Variants in MTA3 observed in about 807,000 individuals in gnomAD.
MTA3 encodes the protein metastasis-associated protein MTA3.
MTA3 carries 34 observed loss-of-function variants against 83.5 expected under a neutral mutation model. That is an observed-to-expected ratio of 0.41 (90% CI 0.31 to 0.54). The LOEUF (loss-of-function observed/expected upper bound fraction) is 0.54, where lower values mean the gene tolerates loss of function less well. Ranked by LOEUF, MTA3 falls within the 20% of genes least tolerant of loss-of-function variation. MTA3 has a pLI of 0.33. For missense variants in MTA3, 761 were observed against 726.4 expected (o/e 1.05, Z -0.55); for synonymous variants, 303 against 252.7 (o/e 1.20, Z -1.89).
At chr2:42,611,510 C>G (rs904487172) in intron 4 of MTA3, among the ~76,000 whole-genome samples, 1 of 152,090 alleles carries the variant, frequency 6.6e-6, no homozygotes, top group African/African-American at 2.4e-5. Context: ...TAGAAAACCT[C>G]ATGTCATTGT....
At chr2:42,613,572 C>A (rs528914945) in intron 4 of MTA3, 3 of 152,076 alleles carry the variant, frequency 2.0e-5, no homozygotes, top group Admixed American at 2.0e-4. Flanking sequence ...TTATCAAAGC[C>A]CCATCGTTCT....
intron 6 of MTA3, among the ~76,000 whole-genome samples, chr2:42,648,261 G>T (rs1175286137): frequency 2.6e-5 from 4 of 152,202 alleles, no homozygotes; most frequent in African/African-American, 9.7e-5. Flanking sequence ...ACTCCCATAT[G>T]TAGCTAGTAC....
intron 2 of MTA3, among the ~76,000 whole-genome samples, chr2:42,538,101 C>T (rs1276023531): frequency 6.6e-6 from 1 of 151,728 alleles, no homozygotes; most frequent in Non-Finnish European, 1.5e-5. Flanking sequence ...GGTATGGTGG[C>T]GGGCACCTGT....
intron 14 of MTA3, among the ~76,000 whole-genome samples, chr2:42,713,772 T>C (rs1391838136): frequency 1.3e-5 from 2 of 152,222 alleles, no homozygotes; most frequent in Non-Finnish European, 2.9e-5. Context: ...CCTTTTTGTG[T>C]CAGCTGCATA....
At chr2:42,568,870 C>T (rs1035645242) in intron 1 of MTA3, 97 bp downstream of exon 1, 6 of 1,156,878 alleles carry the variant, frequency 5.2e-6, no homozygotes, top group Non-Finnish European at 5.4e-6. Context: ...CCAAGGGCGC[C>T]GGGGCTGAGG....
intron 3 of MTA3, among the ~76,000 whole-genome samples, chr2:42,589,819 A>G (rs1222897987): frequency 6.6e-6 from 1 of 152,202 alleles, no homozygotes; most frequent in Non-Finnish European, 1.5e-5. Flanking sequence ...TATCTGGGTT[A>G]GAGGCTTCTC....
intron 16 of MTA3, among the ~76,000 whole-genome samples, chr2:42,732,022 A>AT (rs1431279156): frequency 5.3e-5 from 8 of 152,200 alleles, no homozygotes; most frequent in Admixed American, 5.2e-4. Context: ...CGGGTCTCAT[A>AT]TCCAGGTCAT....
chr2:42,510,313 A>T (rs1400900542), intron 2 of MTA3, among the ~76,000 whole-genome samples: 2 of 96,054 alleles, frequency 2.1e-5, no homozygotes, highest in Non-Finnish European at 4.3e-5. Context: ...GCGACTCAGA[A>T]AAAAAAAAAA....
At chr2:42,567,949 A>G (rs1164686118), upstream of MTA3, 1 of 152,212 alleles carries the variant, frequency 6.6e-6, no homozygotes, top group Non-Finnish European at 1.5e-5. Context: ...GGTGTTGGAC[A>G]GTTGGTTCTG....
chr2:42,637,348 G>A (rs774993989), intron 4 of MTA3, among the ~76,000 whole-genome samples: 7 of 152,080 alleles, frequency 4.6e-5, no homozygotes, highest in African/African-American at 7.2e-5. Context: ...TTAAAATATC[G>A]TACATGACAC....
intron 2 of MTA3, among the ~76,000 whole-genome samples, chr2:42,555,556 C>T (rs868483899): frequency 1.2e-4 from 17 of 145,330 alleles, no homozygotes; most frequent in African/African-American, 3.9e-4. Context: ...GTCAGGAGAT[C>T]GAGACCATCC....
intron 2 of MTA3, among the ~76,000 whole-genome samples, chr2:42,535,405 T>C (rs958781827): frequency 6.6e-6 from 1 of 151,740 alleles, no homozygotes; most frequent in Non-Finnish European, 1.5e-5. Context: ...CAGACAAACT[T>C]TTTTTTTATT....
chr2:42,540,369 C>T (rs1572949623), intron 2 of MTA3, among the ~76,000 whole-genome samples: 1 of 150,810 alleles, frequency 6.6e-6, no homozygotes, highest in Non-Finnish European at 1.5e-5. Context: ...GAGATGGGGT[C>T]TTCTATGTTG....
intron 2 of MTA3, among the ~76,000 whole-genome samples, chr2:42,562,397 C>G (rs542819912): frequency 3.9e-5 from 6 of 152,288 alleles, no homozygotes; most frequent in Admixed American, 2.6e-4. Flanking sequence ...CCGTCTCCTT[C>G]TGTTCTTTCC....
At chr2:42,713,756 CT>C (rs1666814505) in intron 14 of MTA3, among the ~76,000 whole-genome samples, 1 of 152,172 alleles carries the variant, frequency 6.6e-6, no homozygotes, top group African/African-American at 2.4e-5. Flanking sequence ...GTATTGAAAA[CT>C]GCCTCCTTTT....
At chr2:42,523,549 C>G (rs544166060) in intron 2 of MTA3, among the ~76,000 whole-genome samples, 1 of 152,316 alleles carries the variant, frequency 6.6e-6, no homozygotes, top group South Asian at 2.1e-4. Flanking sequence ...AGACGCTCAT[C>G]TCAGTTGCTG....
intron 8 of MTA3, among the ~76,000 whole-genome samples, chr2:42,672,434 G>A (rs1211087854): frequency 2.0e-5 from 3 of 151,706 alleles, no homozygotes; most frequent in East Asian, 3.9e-4. Context: ...CTTGAGGCTA[G>A]GAGTTCAAAA....
intron 8 of MTA3, among the ~76,000 whole-genome samples, chr2:42,677,625 T>A (rs1691503047): frequency 6.6e-6 from 1 of 152,152 alleles, no homozygotes; most frequent in Non-Finnish European, 1.5e-5. Flanking sequence ...ATTACGGGTA[T>A]GAGCCACCGT....
chr2:42,650,471 A>C (rs2104339962), intron 6 of MTA3, among the ~76,000 whole-genome samples: 1 of 151,522 alleles, frequency 6.6e-6, no homozygotes, highest in African/African-American at 2.4e-5. Flanking sequence ...ACGGAGTCTT[A>C]CTCTGTCACC....
Sources: allele counts gnomAD v4.1 joint callset (sites outside exome capture counted in the v4.1 genomes callset), GRCh38; gene constraint gnomAD v4.1.1; transcripts MANE v1.5; gene names NCBI Gene and HGNC (gene_info 2026-07-23, HGNC 2026-07-21).